The following PELI2 variants were observed in gnomAD, a reference collection of about 807,000 sequenced individuals.
PELI2 encodes pellino E3 ubiquitin protein ligase family member 2.
Under a neutral mutation model 42.3 loss-of-function variants are expected in PELI2, and 23 were observed. The observed-to-expected ratio is 0.54, with a 90% CI of 0.39 to 0.77. PELI2 has a LOEUF of 0.77. Ranked by LOEUF, PELI2 falls within the 30% of genes least tolerant of loss-of-function variation. PELI2 has a pLI of 0.00. For missense variants in PELI2, 463 were observed against 553.2 expected, an observed-to-expected ratio of 0.84 and a Z score of 1.64; for synonymous variants, 245 against 212.2, an observed-to-expected ratio of 1.15 and a Z score of -1.34.
At chr14:56,168,955 A>G (rs933166500) in intron 1 of PELI2, among the ~76,000 whole-genome samples, 3 of 151,978 alleles carry the variant, frequency 2.0e-5, no homozygotes, top group African/African-American at 7.3e-5. Flanking sequence ...CCCAGGTTGT[A>G]TCTAGAAATG....
chr14:56,261,137 C>T (rs1446838882), intron 2 of PELI2, among the ~76,000 whole-genome samples: 2 of 151,902 alleles, frequency 1.3e-5, no homozygotes, highest in Non-Finnish European at 2.9e-5. Context: ...AGACTGGATA[C>T]TATTGACAAG....
In PELI2 at chr14:56,288,763, C is replaced by T; in HGVS notation, c.507+129C>T. ...AGTGAGATTTTGAGATTTTAGTTTTCAGGTGGCCAGTTTGAGAAACTTGTT... is the reference window on the plus strand; with the variant it reads ...AGTGAGATTTTGAGATTTTAGTTTTTAGGTGGCCAGTTTGAGAAACTTGTT... On this transcript the variant is annotated intron_variant, in intron 4 of 5. Transcript: ENST00000267460. The surrounding 1 kb of genome is among the most constrained non-coding windows in gnomAD (Gnocchi z 4.6). 1.5e-6 allele frequency: 1 copy of T among 648,014 alleles called. No individual in the cohort carries two copies. Among genetic ancestry groups the T allele is most frequent in the South Asian group, 2.0e-5 (1 of 51,186 alleles). The allele number at this position is 648,014 out of a possible 1,614,324, so 40.1% of individuals were successfully genotyped here.
At chr14:56,174,238 C>A (rs532224809) in intron 1 of PELI2, among the ~76,000 whole-genome samples, 9 of 152,218 alleles carry the variant, frequency 5.9e-5, no homozygotes, top group Non-Finnish European at 1.2e-4. Context: ...ATTCAATCCA[C>A]TGTACATAGA....
chr14:56,271,802 T>TA (rs1889114473), intron 2 of PELI2, among the ~76,000 whole-genome samples: 1 of 152,174 alleles, frequency 6.6e-6, no homozygotes, highest in South Asian at 2.1e-4. Context: ...GGCAGGCTGT[T>TA]AGAGAACCTC....
At chr14:56,143,020 T>C (rs1335588338) in intron 1 of PELI2, among the ~76,000 whole-genome samples, 1 of 152,254 alleles carries the variant, frequency 6.6e-6, no homozygotes, top group Non-Finnish European at 1.5e-5. Flanking sequence ...ACGGATCTTC[T>C]ATGAATTTCA....
chr14:56,293,472 A>G (rs1889900950), intron 5 of PELI2, among the ~76,000 whole-genome samples: 1 of 151,036 alleles, frequency 6.6e-6, no homozygotes, highest in Non-Finnish European at 1.5e-5. Context: ...CCCAAACTGG[A>G]ATAATATTAA....
At chr14:56,261,692 G>T (rs995595653) in intron 2 of PELI2, among the ~76,000 whole-genome samples, 2 of 152,176 alleles carry the variant, frequency 1.3e-5, no homozygotes, top group African/African-American at 4.8e-5. Flanking sequence ...ACCTCATGGT[G>T]GTTGTGTGGA....
At chr14:56,196,366 A>G (rs1263555946) in intron 2 of PELI2, among the ~76,000 whole-genome samples, 12 of 152,232 alleles carry the variant, frequency 7.9e-5, no homozygotes, top group African/African-American at 2.7e-4. Flanking sequence ...AATTTGAGCC[A>G]CAGAAAACTT....
At chr14:56,245,280 T>A (rs2054491) in intron 2 of PELI2, among the ~76,000 whole-genome samples, 112,384 of 152,082 alleles carry the variant, frequency 0.74, 42,207 homozygotes, top group African/African-American at 0.87. Flanking sequence ...TAATTGATGT[T>A]AATGAAAATA....
chr14:56,191,110 T>C (rs904821689), intron 2 of PELI2, among the ~76,000 whole-genome samples: 9 of 152,192 alleles, frequency 5.9e-5, no homozygotes, highest in Non-Finnish European at 1.2e-4. Flanking sequence ...CTACCTTGCA[T>C]TGGACTTGGT....
intron 2 of PELI2, among the ~76,000 whole-genome samples, chr14:56,183,031 C>G (rs1885642444): frequency 6.6e-6 from 1 of 152,136 alleles, no homozygotes; most frequent in East Asian, 1.9e-4. Context: ...CTTTTAATAA[C>G]TGAGTTTTAA....
At chr14:56,129,498 T>C (rs548692513) in intron 1 of PELI2, among the ~76,000 whole-genome samples, 4 of 152,344 alleles carry the variant, frequency 2.6e-5, no homozygotes, top group Admixed American at 2.6e-4. Context: ...AACTCTTTCC[T>C]GTTACCCATT....
In PELI2 at chr14:56,299,828, AG is replaced by A. The variant is rs1890118697; in HGVS notation, c.*2663del. 1 of 152,298 alleles carries A rather than the reference AG, an allele frequency of 6.6e-6. No individual in the cohort carries two copies. Among genetic ancestry groups the A allele is most frequent in the Non-Finnish European group, 1.5e-5 (1 of 68,052 alleles). 9.4% of individuals were successfully genotyped at this position (152,298 alleles called of 1,614,324 possible). A position where few individuals can be genotyped will look rare whatever the true frequency, so the allele number is the denominator to read the frequency against. On this transcript the variant is annotated 3_prime_UTR_variant, in exon 6 of 6. Transcript: ENST00000267460. ...CCTGACTCTAATGCCTTTTGCAAGTAGCTTTCCAGAAGTAAAAGTCCCAGTG... is the reference window on the plus strand; with the variant it reads ...CCTGACTCTAATGCCTTTTGCAAGTACTTTCCAGAAGTAAAAGTCCCAGTG...
At chr14:56,203,204 G>C (rs1362839549) in intron 2 of PELI2, among the ~76,000 whole-genome samples, 1 of 152,132 alleles carries the variant, frequency 6.6e-6, no homozygotes, top group African/African-American at 2.4e-5. Flanking sequence ...AGGCATCACA[G>C]TGGCACATGC....
intron 2 of PELI2, among the ~76,000 whole-genome samples, chr14:56,254,766 A>C (rs1451694499): frequency 6.6e-6 from 1 of 152,232 alleles, no homozygotes; most frequent in Non-Finnish European, 1.5e-5. Flanking sequence ...AATATCCAGA[A>C]TCTACAAGGA....
chr14:56,279,811 A>G (rs376893442), intron 3 of PELI2, 34 bp downstream of exon 3: 326 of 1,119,114 alleles, frequency 2.9e-4, no homozygotes, highest in Non-Finnish European at 3.4e-4. Context: ...AAATTTTAGC[A>G]CGTTTTCCTT....
intron 4 of PELI2, among the ~76,000 whole-genome samples, chr14:56,289,613 C>T (rs914402722): frequency 6.6e-6 from 1 of 152,064 alleles, no homozygotes; most frequent in Non-Finnish European, 1.5e-5. Flanking sequence ...CCCACCACCC[C>T]CCAACCCCCG....
intron 2 of PELI2, among the ~76,000 whole-genome samples, chr14:56,231,017 A>T (rs1887543942): frequency 6.6e-6 from 1 of 152,258 alleles, no homozygotes; most frequent in Admixed American, 6.5e-5. Context: ...GAAGGCCATT[A>T]CATAATGGTA....
At chr14:56,135,068 G>A (rs577342990) in intron 1 of PELI2, among the ~76,000 whole-genome samples, 1 of 152,300 alleles carries the variant, frequency 6.6e-6, no homozygotes, top group East Asian at 1.9e-4. Context: ...GAGCAGTGTG[G>A]TGGCATAAAT....
Sources: gnomAD v4.1 joint callset for allele counts (sites outside exome capture counted in the v4.1 genomes callset) on GRCh38, gnomAD v4.1.1 for gene constraint, Gnocchi (gnomAD v3.1) non-coding constraint, MANE v1.5 for transcripts, NCBI Gene and HGNC (gene_info 2026-07-23, HGNC 2026-07-21) for gene names.